The following ABTB2 variants were observed in gnomAD, a reference collection of about 807,000 sequenced individuals.
The protein encoded by ABTB2 is ankyrin repeat and BTB/POZ domain-containing protein 2.
ABTB2 carries 56 observed loss-of-function variants against 104.1 expected under a neutral mutation model. The observed-to-expected ratio is 0.54, with a 90% CI of 0.43 to 0.67. ABTB2 has a LOEUF of 0.67. Ranked by LOEUF, ABTB2 falls within the 30% of genes least tolerant of loss-of-function variation. ABTB2 has a pLI of 0.00. For missense variants in ABTB2, 1,279 were observed against 1,407.7 expected, an observed-to-expected ratio of 0.91 and a Z score of 1.46; for synonymous variants, 606 against 608.2, an observed-to-expected ratio of 1.00 and a Z score of 0.05.
At chr11:34,291,806 ATTTT>A (rs769141691) in intron 1 of ABTB2, among the ~76,000 whole-genome samples, 1 of 151,834 alleles carries the variant, frequency 6.6e-6, no homozygotes, top group Non-Finnish European at 1.5e-5. Flanking sequence ...TGATATGTTT[ATTTT>A]TTTAATTTTT....
chr11:34,279,428 T>C (rs903419232), intron 1 of ABTB2, among the ~76,000 whole-genome samples: 1 of 152,092 alleles, frequency 6.6e-6, no homozygotes, highest in African/African-American at 2.4e-5. Context: ...CTCATTATAA[T>C]CCTATAAAGA....
At chr11:34,241,766 A>T (rs1415291250) in intron 1 of ABTB2, among the ~76,000 whole-genome samples, 1 of 152,226 alleles carries the variant, frequency 6.6e-6, no homozygotes, top group African/African-American at 2.4e-5. Flanking sequence ...CCCATCTTGT[A>T]TTCACCTTTA....
chr11:34,223,196 C>T (rs190071247), intron 1 of ABTB2, among the ~76,000 whole-genome samples: 37 of 152,262 alleles, frequency 2.4e-4, no homozygotes, highest in African/African-American at 3.1e-4. Flanking sequence ...AGCCGAGGAC[C>T]GAGTGGAAAC....
chr11:34,304,081 C>T (rs1380478153), intron 1 of ABTB2, among the ~76,000 whole-genome samples: 1 of 152,110 alleles, frequency 6.6e-6, no homozygotes, highest in Non-Finnish European at 1.5e-5. Context: ...TGAAATATTG[C>T]CCAGTCCGGC....
intron 3 of ABTB2, among the ~76,000 whole-genome samples, chr11:34,195,093 G>GGGGGGGT: frequency 1.1e-5 from 1 of 91,770 alleles, no homozygotes; most frequent in Non-Finnish European, 2.6e-5. Context: ...GGGAGTGGGG[G>GGGGGGGT]CGGGAGAAAG....
rs2133003203 is a variant in ABTB2, at chr11:34,159,385, A to G, written c.2608T>C (p.Phe870Leu). ...GATTTATTGGTCATTAGTGTCTTGA[A>G]CCTGGAGCAAAGGAGACAAAGCAAG... ...KVLLVTASNR[F>L]KTLMTNKSEQ... is the part of the protein sequence containing the mutation. The change falls in exon 14 of 17, where the codon TTC becomes CTC. Residue 870 changes from phenylalanine to leucine, a missense_variant and splice_region_variant. Phe to Leu is a conservative substitution (Grantham distance 22). Transcript: ENST00000435224. The G allele has an allele frequency of 6.2e-7, 1 of 1,611,940 alleles. No homozygotes were observed. Among genetic ancestry groups the G allele is most frequent in the African/African-American group, 1.3e-5 (1 of 74,948 alleles).
intron 1 of ABTB2, among the ~76,000 whole-genome samples, chr11:34,237,782 T>G (rs956347062): frequency 1.3e-4 from 20 of 152,240 alleles, no homozygotes; most frequent in African/African-American, 4.6e-4. Context: ...TCCCAGCTAC[T>G]TGGGAGGCTG....
At chr11:34,237,552 T>A (rs1853861868) in intron 1 of ABTB2, among the ~76,000 whole-genome samples, 1 of 152,210 alleles carries the variant, frequency 6.6e-6, no homozygotes, top group Admixed American at 6.5e-5. Context: ...AGTCTCATTT[T>A]CTGAATCATT....
In ABTB2 at chr11:34,192,375, G is replaced by C. The variant is rs1185148214; in HGVS notation, c.1244+4950C>G. ...AGAGCCTTGAAGAGGTTAAATGACT[G>C]GTTGAAGGTTATAAAAAGTGGCAAG... On this transcript the variant is annotated intron_variant, in intron 3 of 16. Transcript: ENST00000435224. 2.0e-5 allele frequency among the ~76,000 whole-genome samples: 3 copies of C among 152,322 alleles called. No homozygotes were observed. The East Asian group carries it at 5.8e-4, about 29-fold the overall frequency.
At chr11:34,274,558 T>TACAC (rs558468578) in intron 1 of ABTB2, among the ~76,000 whole-genome samples, 13 of 56,334 alleles carry the variant, frequency 2.3e-4, no homozygotes, top group African/African-American at 1.1e-3. Context: ...TGGATTGGAA[T>TACAC]ATACACACAC....
At chr11:34,166,598 C>T (rs560885336) in intron 7 of ABTB2, among the ~76,000 whole-genome samples, 8 of 152,370 alleles carry the variant, frequency 5.3e-5, no homozygotes, top group South Asian at 2.1e-4. Context: ...GAGGGTGTCA[C>T]GCTAACTCCC....
At chr11:34,236,867 AC>A (rs1441521831) in intron 1 of ABTB2, among the ~76,000 whole-genome samples, 9 of 152,200 alleles carry the variant, frequency 5.9e-5, no homozygotes, top group Non-Finnish European at 2.9e-5. Context: ...CCATCTGGGA[AC>A]CCTCAGGGAT....
chr11:34,323,661 T>A (rs1242937947), intron 1 of ABTB2, among the ~76,000 whole-genome samples: 1 of 152,206 alleles, frequency 6.6e-6, no homozygotes, highest in Non-Finnish European at 1.5e-5. Flanking sequence ...CTATGTGAAG[T>A]CATCCTACTT....
At position 34,357,623 on chromosome 11, in the gene ABTB2, C is replaced by G. The variant is rs776776749; in HGVS notation, c.-40G>C. On this transcript the variant is annotated 5_prime_UTR_variant, in exon 1 of 17. Transcript: ENST00000435224. ...GGGCGGCGTCGCCGAGCGAGGGGCACTCACAACTCCATGCCCTCTTTCCCA... is the reference window on the plus strand; with the variant it reads ...GGGCGGCGTCGCCGAGCGAGGGGCAGTCACAACTCCATGCCCTCTTTCCCA... The G allele has an allele frequency of 6.8e-7, 1 of 1,476,194 alleles. No homozygotes were observed. Among genetic ancestry groups the G allele is most frequent in the South Asian group, 1.3e-5 (1 of 75,478 alleles). The allele number at this position is 1,476,194 out of a possible 1,614,324, so 91.4% of individuals were successfully genotyped here.
Position 34,162,760 on chromosome 11 carries a change from C to T in ABTB2, c.2034G>A (p.Ala678=), listed in dbSNP as rs73505480. The T allele has an allele frequency of 9.6e-4, 1,552 of 1,609,322 alleles. 12 individuals are homozygous for T. The African/African-American group carries it at 0.017, about 18-fold the overall frequency. Residue 678 remains alanine, a synonymous_variant, in exon 10 of 17, where the codon GCG becomes GCA. Transcript: ENST00000435224. The part of the protein sequence containing the change: ...KLLTQPQQAK[A]DVLSLEEILA... ...GGATCTCCTCCAGGGACAGCACGTC[C>T]GCTTTAGCCTGCTGTGGCTGCGTCA...
At chr11:34,204,773 G>GCCCTGCTC in intron 1 of ABTB2, 83 bp from the exon 2 acceptor site, 1 of 1,452,860 alleles carries the variant, frequency 6.9e-7, no homozygotes. Flanking sequence ...GCAGGGCTCA[G>GCCCTGCTC]CCCTGCTCCC....
In ABTB2 at chr11:34,172,403, T is replaced by C. The variant is rs1467393818; in HGVS notation, c.1397+752A>G. 1.1e-4 allele frequency among the ~76,000 whole-genome samples: 7 copies of C among 63,186 alleles called. 1 individual carries two copies. The highest frequency in any genetic ancestry group is 6.0e-4 in the East Asian group (2 of 3,334). The allele number at this position is 63,186 out of a possible 152,430, so 41.5% of individuals were successfully genotyped here. A position where few individuals can be genotyped will look rare whatever the true frequency, so the allele number is the denominator to read the frequency against. ...AAAAAAAAAAAAAAAAAAATATATA[T>C]ATATATATATATATATGTGTGTGTG... On this transcript the variant is annotated intron_variant, in intron 4 of 16. Coordinates refer to ENST00000435224, the MANE Select transcript of ABTB2 (RefSeq NM_145804.3).
At chr11:34,310,672 C>A (rs1043682571) in intron 1 of ABTB2, among the ~76,000 whole-genome samples, 3 of 152,190 alleles carry the variant, frequency 2.0e-5, no homozygotes, top group African/African-American at 7.2e-5. Context: ...CCTCACCCCC[C>A]AGCACCCTCC....
At chr11:34,238,096 A>G (rs577951421) in intron 1 of ABTB2, among the ~76,000 whole-genome samples, 9 of 152,236 alleles carry the variant, frequency 5.9e-5, no homozygotes, top group African/African-American at 1.9e-4. Flanking sequence ...TATTTAAATT[A>G]GCTTCAAAGC....
Sources: allele counts gnomAD v4.1 joint callset (sites outside exome capture counted in the v4.1 genomes callset), GRCh38; gene constraint gnomAD v4.1.1; transcripts MANE v1.5; gene names NCBI Gene and HGNC (gene_info 2026-07-23, HGNC 2026-07-21).